Variants in MAPK9 observed in about 807,000 individuals in gnomAD.
MAPK9 encodes the protein Jun kinase.
Under a neutral mutation model 57.1 loss-of-function variants are expected in MAPK9, and 30 were observed. That is an observed-to-expected ratio of 0.53 (90% CI 0.39 to 0.71). The LOEUF (loss-of-function observed/expected upper bound fraction) is 0.71, where lower values mean the gene tolerates loss of function less well. Among genes scored for constraint, MAPK9 ranks in the 30% least tolerant of loss-of-function variants. The pLI, the probability that MAPK9 is intolerant of heterozygous loss-of-function variation, is 0.00. For synonymous variants in MAPK9, 155 were observed against 177.0 expected, an observed-to-expected ratio of 0.88 and a Z score of 0.99; for missense variants, 362 against 521.0, an observed-to-expected ratio of 0.69 and a Z score of 2.97.
chr5:180,241,954 C>T (rs1482371420), intron 8 of MAPK9, among the ~76,000 whole-genome samples: 1 of 152,202 alleles, frequency 6.6e-6, no homozygotes, highest in Non-Finnish European at 1.5e-5. Flanking sequence ...ATGCTTCTGG[C>T]TGGCCTAGCT....
At chr5:180,283,453 C>T (rs1762480166) in intron 1 of MAPK9, among the ~76,000 whole-genome samples, 1 of 152,214 alleles carries the variant, frequency 6.6e-6, no homozygotes, top group Non-Finnish European at 1.5e-5. Context: ...CAGAGCCACC[C>T]CCCATTCAGG....
intron 5 of MAPK9, chr5:180,258,459 T>A (rs1365398716): frequency 6.5e-6 from 1 of 152,948 alleles, no homozygotes. Flanking sequence ...AAAGAAATAA[T>A]ACTGGAGAGA....
rs1459789911 is a variant in MAPK9, at chr5:180,264,766, A to C, written c.311+15T>G. The stretch of plus-strand genomic sequence containing the variant: ...TTTGATGTACAGTGCATTACTGAAT[A>C]AAAATGATACTTACACATCTTGAAA... On this transcript the variant is annotated intron_variant, in intron 4 of 11. Transcript: ENST00000452135. The C allele has an allele frequency of 1.9e-6, 3 of 1,563,908 alleles. No homozygotes were observed.
At position 180,240,005 on chromosome 5, in the gene MAPK9, T is replaced by C. The variant is rs368852719; in HGVS notation, c.997-18A>G. 2 of 1,606,100 alleles carry C rather than the reference T, an allele frequency of 1.2e-6. No individual in the cohort carries two copies. Among genetic ancestry groups the C allele is most frequent in the East Asian group, 2.2e-5 (1 of 44,836 alleles). The stretch of plus-strand genomic sequence containing the variant: ...GGTGGTGGCTAAAAATTAAATCATA[T>C]GTAAAGTCAACAGTAATGCCTCAAA... On this transcript the variant is annotated intron_variant, in intron 9 of 11. Transcript: ENST00000452135.
intron 1 of MAPK9, among the ~76,000 whole-genome samples, chr5:180,286,342 C>T (rs1192078621): frequency 6.6e-6 from 1 of 150,512 alleles, no homozygotes; most frequent in East Asian, 2.1e-4. Flanking sequence ...GATGGGGTTT[C>T]ACTGTGTTAG....
intron 7 of MAPK9, among the ~76,000 whole-genome samples, chr5:180,244,778 GAAAA>G (rs77077681): frequency 6.3e-5 from 8 of 127,378 alleles, no homozygotes; most frequent in African/African-American, 1.2e-4. Context: ...TGTCTCAAAG[GAAAA>G]AAAAAAAAAA....
At chr5:180,270,868 A>AAAAAAAAAAG (rs1466941482) in intron 2 of MAPK9, among the ~76,000 whole-genome samples, 1 of 137,568 alleles carries the variant, frequency 7.3e-6, no homozygotes, top group African/African-American at 3.1e-5. Context: ...CAAAAAAAAA[A>AAAAAAAAAAG]AAAAAGAAAA....
intron 1 of MAPK9, among the ~76,000 whole-genome samples, chr5:180,285,467 G>A (rs535306158): frequency 1.3e-5 from 2 of 152,246 alleles, no homozygotes; most frequent in East Asian, 1.9e-4. Flanking sequence ...CGATGACAAC[G>A]ATTCAGTGAT....
chr5:180,279,510 C>T (rs1762123829), intron 2 of MAPK9, among the ~76,000 whole-genome samples: 1 of 152,102 alleles, frequency 6.6e-6, no homozygotes. Context: ...TAAAAATCAT[C>T]GTTAAAGATT....
rs186006916 is a variant in MAPK9, at chr5:180,244,493, C to T, written c.689-1738G>A. 3.7e-4 allele frequency among the ~76,000 whole-genome samples: 56 copies of T among 152,090 alleles called. 1 individual carries two copies. The highest frequency in any genetic ancestry group is 8.4e-4 in the African/African-American group (35 of 41,512). ...AGCAAAAACTTCCATAAAGAGCTGT[C>T]GGTCGGGCTCAGTGGCTCACACCTG... On this transcript the variant is annotated intron_variant, in intron 7 of 11. Transcript: ENST00000452135.
chr5:180,258,651 T>G (rs1049252610), intron 5 of MAPK9, among the ~76,000 whole-genome samples: 6 of 152,010 alleles, frequency 3.9e-5, no homozygotes, highest in African/African-American at 1.5e-4. Context: ...CCAATGAATG[T>G]CAAAAATGGG....
chr5:180,242,311 C>T (rs1224897087), intron 8 of MAPK9, among the ~76,000 whole-genome samples: 2 of 152,150 alleles, frequency 1.3e-5, no homozygotes, highest in African/African-American at 2.4e-5. Context: ...TTTTGAATTC[C>T]AGTTGCTGTA....
At chr5:180,248,546 A>C (rs1434856147) in intron 6 of MAPK9, among the ~76,000 whole-genome samples, 1 of 152,218 alleles carries the variant, frequency 6.6e-6, no homozygotes, top group Non-Finnish European at 1.5e-5. Flanking sequence ...TTCTATTTAC[A>C]TCAAATTCAA....
intron 4 of MAPK9, among the ~76,000 whole-genome samples, chr5:180,263,810 A>G (rs1384939168): frequency 6.9e-6 from 1 of 144,644 alleles, no homozygotes; most frequent in Non-Finnish European, 1.5e-5. Context: ...GGTTCACACC[A>G]TTCTCCTGCC....
Position 180,267,328 on chromosome 5 carries a change from G to A in MAPK9, c.252+1952C>T, listed in dbSNP as rs535801222. ...TGTAATCCCAGCACTTTGGGACGCC[G>A]AGGCAGGCAGATCACGAGGTCAGGA... On this transcript the variant is annotated intron_variant, in intron 3 of 11. Coordinates refer to ENST00000452135, the MANE Select transcript of MAPK9 (RefSeq NM_002752.5). 2.9e-3 allele frequency among the ~76,000 whole-genome samples: 439 copies of A among 152,154 alleles called. 1 individual carries two copies. Among genetic ancestry groups the A allele is most frequent in the Non-Finnish European group, 4.8e-3 (326 of 67,984 alleles).
intron 2 of MAPK9, among the ~76,000 whole-genome samples, chr5:180,273,076 C>A (rs984311926): frequency 6.6e-6 from 1 of 152,184 alleles, no homozygotes; most frequent in African/African-American, 2.4e-5. Context: ...AGTTTCTAAC[C>A]ATTCTGCTGA....
intron 2 of MAPK9, among the ~76,000 whole-genome samples, chr5:180,273,203 ATTTG>A (rs1482843825): frequency 1.0e-4 from 15 of 147,470 alleles, no homozygotes; most frequent in African/African-American, 1.9e-4. Flanking sequence ...CCTATTGACT[ATTTG>A]TTTGTCTATC....
chr5:180,243,562 T>C (rs978366640), intron 7 of MAPK9, among the ~76,000 whole-genome samples: 28 of 152,026 alleles, frequency 1.8e-4, no homozygotes, highest in African/African-American at 4.6e-4. Context: ...GAGAAAAAAA[T>C]AGCATCAACA....
At position 180,236,424 on chromosome 5, in the gene MAPK9, C is replaced by T; in HGVS notation, c.1235G>A (p.Ser412Asn). ...EQTLASDTDS[S>N]LDASTGPLEG... Reference sequence around the variant, plus strand: ...AAGGGGTCCCGTCGAGGCATCAAGACTGCTGTCTGTGTCTGAGGCCAGCGT... The same window carrying T: ...AAGGGGTCCCGTCGAGGCATCAAGATTGCTGTCTGTGTCTGAGGCCAGCGT... The change falls in exon 12 of 12, where the codon AGT becomes AAT. Residue 412 changes from serine to asparagine, a missense_variant. By Grantham distance (46) the Ser-to-Asn change is conservative. Coordinates refer to ENST00000452135, the MANE Select transcript of MAPK9 (RefSeq NM_002752.5). 6.2e-7 allele frequency: 1 copy of T among 1,613,650 alleles called. No homozygotes were observed. Among genetic ancestry groups the T allele is most frequent in the Non-Finnish European group, 8.5e-7 (1 of 1,179,672 alleles).
Sources: allele counts gnomAD v4.1 joint callset (sites outside exome capture counted in the v4.1 genomes callset), GRCh38; gene constraint gnomAD v4.1.1; transcripts MANE v1.5; gene names NCBI Gene and HGNC (gene_info 2026-07-23, HGNC 2026-07-21).